CNIH3: variants seen among roughly 807,000 people sequenced by gnomAD.
The protein encoded by CNIH3 is cornichon family AMPA receptor auxiliary protein 3.
CNIH3 carries 14 observed loss-of-function variants against 24.1 expected under a neutral mutation model. The ratio of observed to expected loss-of-function variants is 0.58; its 90% confidence interval spans 0.38 to 0.91. The LOEUF (loss-of-function observed/expected upper bound fraction) is 0.91, where lower values mean the gene tolerates loss of function less well. CNIH3 is among the 40% of genes least tolerant of loss of function. CNIH3 has a pLI of 0.00. For missense variants in CNIH3, 178 were observed against 196.8 expected, an observed-to-expected ratio of 0.90 and a Z score of 0.57; for synonymous variants, 68 against 73.8, an observed-to-expected ratio of 0.92 and a Z score of 0.40.
At chr1:224,463,566 C>A (rs577675307) in intron 1 of CNIH3, among the ~76,000 whole-genome samples, 34 of 150,340 alleles carry the variant, frequency 2.3e-4, no homozygotes, top group African/African-American at 7.8e-4. Flanking sequence ...GCCACCATGC[C>A]CGGCTAATTT....
At chr1:224,679,200 C>T (rs1159777349) in intron 1 of CNIH3, among the ~76,000 whole-genome samples, 4 of 150,288 alleles carry the variant, frequency 2.7e-5, no homozygotes, top group Admixed American at 2.6e-4. Flanking sequence ...TTTTTTTGTA[C>T]ATGGTGGCAC....
intron 1 of CNIH3, among the ~76,000 whole-genome samples, chr1:224,662,429 TCTTA>T (rs771762604): frequency 2.1e-4 from 32 of 152,116 alleles, no homozygotes; most frequent in Non-Finnish European, 3.5e-4. Flanking sequence ...ATGATACTAG[TCTTA>T]CTTATAAAAA....
At position 224,547,745 on chromosome 1, in the gene CNIH3, G is replaced by A. The variant is rs117694415; in HGVS notation, n.450+806G>A. On this transcript the variant is annotated intron_variant and non_coding_transcript_variant, in intron 3 of 5. Coordinates refer to the CNIH3 transcript ENST00000471578. ...ATATCACTTTTAATATCACATGGGT[G>A]TATACCTCGTGATATTATTCGTAAT... Among the ~76,000 whole-genome samples the A allele has an allele frequency of 6.6e-5, 10 of 151,882 alleles. No individual in the cohort carries two copies. The East Asian group carries it at 1.9e-3, about 30-fold the overall frequency.
At chr1:224,439,369 T>C (rs1485762183) in intron 1 of CNIH3, among the ~76,000 whole-genome samples, 1 of 152,154 alleles carries the variant, frequency 6.6e-6, no homozygotes, top group Admixed American at 6.5e-5. Context: ...AGTCCTCTTC[T>C]CAGTAGCCCT....
chr1:224,468,202 G>GAATAA (rs2102992927), intron 1 of CNIH3, among the ~76,000 whole-genome samples: 1 of 152,158 alleles, frequency 6.6e-6, no homozygotes, highest in Admixed American at 6.5e-5. Flanking sequence ...ATAAATTTTA[G>GAATAA]AATAAGTTAT....
At chr1:224,714,961 G>A (rs1688350929) in intron 3 of CNIH3, among the ~76,000 whole-genome samples, 1 of 152,176 alleles carries the variant, frequency 6.6e-6, no homozygotes, top group Non-Finnish European at 1.5e-5. Context: ...TAAGGAACAG[G>A]ATCAATATTT....
chr1:224,736,995 C>T (rs902870444), intron 5 of CNIH3, among the ~76,000 whole-genome samples: 1 of 152,114 alleles, frequency 6.6e-6, no homozygotes, highest in Non-Finnish European at 1.5e-5. Flanking sequence ...GTGGCCTGTC[C>T]CCAGAGACAG....
At chr1:224,685,201 C>T (rs1446439954) in intron 3 of CNIH3, among the ~76,000 whole-genome samples, 3 of 152,292 alleles carry the variant, frequency 2.0e-5, no homozygotes, top group Admixed American at 6.5e-5. Flanking sequence ...GAACACTCCC[C>T]GCCGACCTTG....
At chr1:224,707,331 A>G (rs1297563869) in intron 3 of CNIH3, among the ~76,000 whole-genome samples, 1 of 152,164 alleles carries the variant, frequency 6.6e-6, no homozygotes. Context: ...CAGGAGAGCA[A>G]ATCTATTGGA....
intron 1 of CNIH3, among the ~76,000 whole-genome samples, chr1:224,669,727 CTTG>C (rs1435236707): frequency 6.6e-6 from 1 of 152,180 alleles, no homozygotes; most frequent in Non-Finnish European, 1.5e-5. Context: ...GTGCCCGGTG[CTTG>C]TTGTACATTA....
At chr1:224,634,755 C>A (rs550907400) in intron 1 of CNIH3, among the ~76,000 whole-genome samples, 1 of 152,166 alleles carries the variant, frequency 6.6e-6, no homozygotes, top group Non-Finnish European at 1.5e-5. Context: ...TAAGAAATGC[C>A]CCCCTGCCCA....
At chr1:224,601,739 C>G (rs1310548624) in intron 3 of CNIH3, among the ~76,000 whole-genome samples, 2 of 152,114 alleles carry the variant, frequency 1.3e-5, no homozygotes, top group Non-Finnish European at 2.9e-5. Flanking sequence ...TTTAAGCCAC[C>G]CAGTCTGTTG....
chr1:224,436,590 C>T (rs1674677553), intron 1 of CNIH3, among the ~76,000 whole-genome samples: 1 of 152,338 alleles, frequency 6.6e-6, no homozygotes, highest in Admixed American at 6.5e-5. Flanking sequence ...GTAACCAACA[C>T]TGCTCGTGTT....
intron 5 of CNIH3, among the ~76,000 whole-genome samples, chr1:224,587,798 G>A (rs895131538): frequency 6.6e-6 from 1 of 151,504 alleles, no homozygotes; most frequent in Non-Finnish European, 1.5e-5. Context: ...AAAAAATAGC[G>A]GGGCATGGTG....
intron 3 of CNIH3, among the ~76,000 whole-genome samples, chr1:224,608,889 A>T (rs1476093730): frequency 6.6e-6 from 1 of 152,134 alleles, no homozygotes; most frequent in African/African-American, 2.4e-5. Flanking sequence ...CAGTGTTCAT[A>T]TACCCTTTAA....
Position 224,695,652 on chromosome 1 carries a change from T to C in CNIH3, c.198+10809T>C, listed in dbSNP as rs193137304. Among the ~76,000 whole-genome samples, 367 of 152,298 alleles carry C rather than the reference T, an allele frequency of 2.4e-3. 2 individuals are homozygous for C. The Middle Eastern group carries it at 0.027, about 11-fold the overall frequency. ...TGCTGCTTCTAATTCCTCACATTCATAGGAGTCCGTTATTTTCCATAACTT... is the reference window on the plus strand; with the variant it reads ...TGCTGCTTCTAATTCCTCACATTCACAGGAGTCCGTTATTTTCCATAACTT... On this transcript the variant is annotated intron_variant, in intron 3 of 5. Coordinates refer to ENST00000272133, the MANE Select transcript of CNIH3 (RefSeq NM_152495.2).
intron 1 of CNIH3, among the ~76,000 whole-genome samples, chr1:224,470,004 T>C (rs1482253749): frequency 6.6e-6 from 1 of 152,038 alleles, no homozygotes; most frequent in East Asian, 1.9e-4. Flanking sequence ...AGTTCTTTCT[T>C]TCAGTTATTC....
intron 1 of CNIH3, among the ~76,000 whole-genome samples, chr1:224,675,798 A>G (rs1414381896): frequency 6.6e-6 from 1 of 152,198 alleles, no homozygotes; most frequent in Non-Finnish European, 1.5e-5. Flanking sequence ...TGAAATGACT[A>G]AAAAACCAAA....
intron 4 of CNIH3, among the ~76,000 whole-genome samples, chr1:224,580,800 T>C (rs1036263043): frequency 2.1e-5 from 3 of 143,972 alleles, no homozygotes; most frequent in Admixed American, 6.8e-5. Context: ...AGCGAGACTC[T>C]GTCTCAAAAA....
Sources: allele counts gnomAD v4.1 joint callset (sites outside exome capture counted in the v4.1 genomes callset), GRCh38; gene constraint gnomAD v4.1.1; transcripts MANE v1.5; gene names NCBI Gene and HGNC (gene_info 2026-07-23, HGNC 2026-07-21).